DNAH14: variants seen among roughly 807,000 people sequenced by gnomAD.
The protein encoded by DNAH14 is axonemal beta dynein heavy chain 14.
In DNAH14, 478 loss-of-function variants were observed where a neutral mutation model predicts 520.9. The observed-to-expected ratio is 0.92, with a 90% CI of 0.85 to 0.99. The LOEUF (loss-of-function observed/expected upper bound fraction) is 0.99, where lower values mean the gene tolerates loss of function less well. Ranked by LOEUF, DNAH14 falls within the 50% of genes least tolerant of loss-of-function variation. DNAH14 has a pLI of 0.00. For missense variants in DNAH14, 4,831 were observed against 5,234.5 expected, an observed-to-expected ratio of 0.92 and a Z score of 2.38; for synonymous variants, 1,581 against 1,757.2, an observed-to-expected ratio of 0.90 and a Z score of 2.51.
intron 41 of DNAH14, among the ~76,000 whole-genome samples, chr1:225,220,725 G>A (rs1426903910): frequency 1.3e-5 from 2 of 152,154 alleles, no homozygotes; most frequent in East Asian, 3.9e-4. Context: ...TGGCCATACT[G>A]CCCAAAATAA....
intron 15 of DNAH14, among the ~76,000 whole-genome samples, chr1:225,047,912 C>A (rs183985859): frequency 1.3e-5 from 2 of 152,044 alleles, no homozygotes; most frequent in Non-Finnish European, 2.9e-5. Flanking sequence ...TTTCAGTAAC[C>A]TGGTTGATGT....
intron 11 of DNAH14, among the ~76,000 whole-genome samples, chr1:225,031,790 A>AT (rs1356581252): frequency 2.6e-5 from 4 of 152,124 alleles, no homozygotes; most frequent in African/African-American, 9.6e-5. Flanking sequence ...TCCAGAAGAC[A>AT]TTAAAAGTAT....
Position 225,079,522 on chromosome 1 carries a change from G to T in DNAH14, c.2740G>T (p.Val914Phe), listed in dbSNP as rs747214995. The part of the protein sequence containing the change: ...NLEACISGLH[V>F]DVGNLKAKIR... The stretch of plus-strand genomic sequence containing the variant: ...GGAAGCATGTATCAGTGGTCTACAT[G>T]TTGATGTTGGCAATTTAAAAGCCAA... Residue 914 changes from valine (V) to phenylalanine (F), a missense_variant, in exon 18 of 86, where the codon GTT (valine) becomes TTT (phenylalanine). Physicochemically the swap from Val to Phe is conservative, Grantham distance 50. Transcript: ENST00000682510. The T allele has an allele frequency of 1.3e-6, 2 of 1,513,902 alleles. No individual in the cohort carries two copies. Among genetic ancestry groups the T allele is most frequent in the South Asian group, 2.6e-5 (2 of 76,508 alleles). The allele number at this position is 1,513,902 out of a possible 1,614,324, so 93.8% of individuals were successfully genotyped here.
At chr1:224,946,456 G>C (rs569680921) in intron 1 of DNAH14, among the ~76,000 whole-genome samples, 2 of 151,972 alleles carry the variant, frequency 1.3e-5, no homozygotes, top group Non-Finnish European at 2.9e-5. Flanking sequence ...TTCGGCTCAC[G>C]CTCGGTGTGC....
chr1:225,307,682 C>A, intron 59 of DNAH14, 113 bp downstream of exon 59: 1 of 801,262 alleles, frequency 1.2e-6, no homozygotes, highest in Non-Finnish European at 1.9e-6. Flanking sequence ...AGCTTTGTTA[C>A]CCTATAGTTG....
At chr1:225,223,264 A>G (rs1286940445) in intron 41 of DNAH14, among the ~76,000 whole-genome samples, 2 of 152,198 alleles carry the variant, frequency 1.3e-5, no homozygotes, top group Non-Finnish European at 2.9e-5. Flanking sequence ...ACACTTATAA[A>G]GAGATAAGAA....
chr1:225,364,744 G>C, intron 75 of DNAH14, 48 bp from the exon 76 acceptor site: 1 of 1,332,522 alleles, frequency 7.5e-7, no homozygotes, highest in Non-Finnish European at 1.0e-6. Flanking sequence ...AAAACATGTT[G>C]GTTTACATTT....
chr1:225,202,600 C>G (rs960556753), intron 38 of DNAH14, among the ~76,000 whole-genome samples: 2 of 152,122 alleles, frequency 1.3e-5, no homozygotes, highest in Non-Finnish European at 2.9e-5. Flanking sequence ...TGAGAACTTG[C>G]CCCGGCTACC....
chr1:225,341,883 G>A (rs994056341), intron 69 of DNAH14, among the ~76,000 whole-genome samples: 1 of 152,072 alleles, frequency 6.6e-6, no homozygotes, highest in African/African-American at 2.4e-5. Flanking sequence ...TGACTCACTG[G>A]AACTTGAAGG....
chr1:225,283,434 C>T (rs1473494558), intron 54 of DNAH14, among the ~76,000 whole-genome samples: 1 of 120,038 alleles, frequency 8.3e-6, no homozygotes, highest in Admixed American at 8.6e-5. Context: ...TGTTCTGAGA[C>T]CAAAAAGAAA....
At chr1:225,032,160 C>G (rs567240419) in intron 11 of DNAH14, among the ~76,000 whole-genome samples, 49 of 151,892 alleles carry the variant, frequency 3.2e-4, no homozygotes, top group Non-Finnish European at 3.8e-4. Flanking sequence ...GTTTGTTGTA[C>G]ATATTATTAC....
chr1:225,309,116 G>T (rs1018310727), intron 60 of DNAH14, among the ~76,000 whole-genome samples: 11 of 152,220 alleles, frequency 7.2e-5, no homozygotes, highest in African/African-American at 2.7e-4. Flanking sequence ...ATGAATAACA[G>T]TGAATATAAA....
At chr1:225,072,995 C>T (rs1225369357) in intron 17 of DNAH14, among the ~76,000 whole-genome samples, 1 of 152,140 alleles carries the variant, frequency 6.6e-6, no homozygotes. Flanking sequence ...TGGGAACCCA[C>T]TTAACAAAGT....
chr1:225,398,549 CATTTTTGGTTT>C lies in DNAH14; in HGVS notation c.13525_13535del (p.Phe4509HisfsTer9). 1 of 1,551,698 alleles carries C rather than the reference CATTTTTGGTTT, an allele frequency of 6.4e-7. No individual in the cohort carries two copies. The highest frequency in any genetic ancestry group is 8.7e-7 in the Non-Finnish European group (1 of 1,146,982). On this transcript the variant is annotated frameshift_variant, in exon 85 of 86. Transcript: ENST00000682510. LOFTEE classifies it high-confidence loss of function. ...CAGCTTCCTCTCACACTGGAGTTTACATTTTTGGTTTATTCATCGAGGGGGCAAGATGGAAT... is the reference window on the plus strand; with the variant it reads ...CAGCTTCCTCTCACACTGGAGTTTACATTCATCGAGGGGGCAAGATGGAAT...
At chr1:225,149,667 T>G (rs979330085) in intron 31 of DNAH14, among the ~76,000 whole-genome samples, 2 of 152,186 alleles carry the variant, frequency 1.3e-5, no homozygotes, top group African/African-American at 4.8e-5. Flanking sequence ...TATTTTATTG[T>G]TTTTGTGGCA....
chr1:225,368,997 T>TA (rs1558543042), intron 77 of DNAH14, among the ~76,000 whole-genome samples: 1 of 152,146 alleles, frequency 6.6e-6, no homozygotes, highest in Non-Finnish European at 1.5e-5. Context: ...GATAATATAT[T>TA]AGGGGGAAAT....
chr1:225,007,379 T>A (rs1353884842), intron 9 of DNAH14, 34 bp from the exon 10 acceptor site: 2 of 1,459,642 alleles, frequency 1.4e-6, no homozygotes, highest in East Asian at 5.3e-5. Flanking sequence ...AATTTTGACT[T>A]TCTAACACTG....
chr1:225,152,069 C>A lies in DNAH14; in HGVS notation c.5005C>A (p.Pro1669Thr). Residue 1669 changes from proline to threonine, a missense_variant, in exon 32 of 86, where the codon CCC becomes ACC. Pro to Thr is a conservative substitution (Grantham distance 38). Transcript: ENST00000682510. Reference sequence around the variant, plus strand: ...TTGTGCGGTATTTATCACCATGAATCCCAGGTAAGTATCAGTAAATCTAGT... The same window carrying A: ...TTGTGCGGTATTTATCACCATGAATACCAGGTAAGTATCAGTAAATCTAGT... ...MSCAVFITMN[P>T]RYGGGVELPD... 1 of 1,549,292 alleles carries A rather than the reference C, an allele frequency of 6.5e-7. No individual in the cohort carries two copies. The highest frequency in any genetic ancestry group is 1.2e-5 in the South Asian group (1 of 83,698).
chr1:225,275,104 A>T, intron 52 of DNAH14, among the ~76,000 whole-genome samples: 1 of 152,230 alleles, frequency 6.6e-6, no homozygotes, highest in Non-Finnish European at 1.5e-5. Flanking sequence ...TGGAGTCATT[A>T]TTCAAACCTA....
Sources: gnomAD v4.1 joint callset for allele counts (sites outside exome capture counted in the v4.1 genomes callset) on GRCh38, gnomAD v4.1.1 for gene constraint, MANE v1.5 for transcripts, NCBI Gene and HGNC (gene_info 2026-07-23, HGNC 2026-07-21) for gene names.